Variants in TRAPPC12 observed in about 807,000 individuals in gnomAD.
TRAPPC12 encodes trafficking protein particle complex subunit 12.
TRAPPC12 carries 61 observed loss-of-function variants against 69.2 expected under a neutral mutation model. The ratio of observed to expected loss-of-function variants is 0.88; its 90% CI spans 0.72 to 1.09. The LOEUF is 1.09. Ranked by LOEUF, TRAPPC12 falls within the 50% of genes least tolerant of loss-of-function variation. The pLI, the probability that TRAPPC12 is intolerant of heterozygous loss-of-function variation, is 0.00. For missense variants in TRAPPC12, 1,101 were observed against 1,016.4 expected (o/e 1.08, Z -1.13); for synonymous variants, 469 against 438.9 (o/e 1.07, Z -0.86).
Position 3,388,213 on chromosome 2 carries a change from C to T in TRAPPC12, c.590C>T (p.Pro197Leu), listed in dbSNP as rs1167052543. 4.4e-6 allele frequency: 7 copies of T among 1,609,014 alleles called. No individual in the cohort carries two copies. Among genetic ancestry groups the T allele is most frequent in the Non-Finnish European group, 5.9e-6 (7 of 1,177,932 alleles). ...GASEASARTP[P>L]QVVQPSPSLS... Reference sequence around the variant, plus strand: ...AGCGAGGCCTCGGCCAGGACACCGCCCCAGGTCGTGCAGCCCAGCCCCAGC... The same window carrying T: ...AGCGAGGCCTCGGCCAGGACACCGCTCCAGGTCGTGCAGCCCAGCCCCAGC... The change falls in exon 2 of 12, where the codon CCC becomes CTC. Residue 197 changes from proline (P) to leucine (L), a missense_variant. Pro to Leu is a moderately conservative substitution (Grantham distance 98). Transcript: ENST00000324266.
chr2:3,383,695 G>A (rs185219197), intron 1 of TRAPPC12, among the ~76,000 whole-genome samples: 23 of 151,796 alleles, frequency 1.5e-4, no homozygotes, highest in South Asian at 4.2e-4. Flanking sequence ...GTGAGCCACC[G>A]CACCCGGCCT....
In TRAPPC12 at chr2:3,457,710, T is replaced by C; in HGVS notation, c.1603+17T>C. 6.2e-7 allele frequency: 1 copy of C among 1,608,124 alleles called. No homozygotes were observed. Among genetic ancestry groups the C allele is most frequent in the Non-Finnish European group, 8.5e-7 (1 of 1,179,882 alleles). On this transcript the variant is annotated intron_variant, in intron 7 of 11. Coordinates refer to ENST00000324266, the MANE Select transcript of TRAPPC12 (RefSeq NM_016030.6). ...GCAGACAAGGTGGGTCGGCCGGACT[T>C]TGCTGACTAGATGCTTCTCGGACAT...
chr2:3,404,298 A>G (rs1261177054), intron 3 of TRAPPC12, among the ~76,000 whole-genome samples: 1 of 152,106 alleles, frequency 6.6e-6, no homozygotes, highest in Non-Finnish European at 1.5e-5. Context: ...TCTACTTTCT[A>G]GTGTTCTATT....
intron 2 of TRAPPC12, among the ~76,000 whole-genome samples, chr2:3,389,362 G>A (rs1660689238): frequency 6.6e-6 from 1 of 152,262 alleles, no homozygotes; most frequent in Admixed American, 6.5e-5. Context: ...GGTTGTGCGA[G>A]CAACTGAGTG....
At chr2:3,416,474 AC>A (rs1204085596) in intron 3 of TRAPPC12, among the ~76,000 whole-genome samples, 1 of 144,866 alleles carries the variant, frequency 6.9e-6, no homozygotes, top group Non-Finnish European at 1.5e-5. Flanking sequence ...GCACACCCCT[AC>A]CCCTTCACTG....
intron 5 of TRAPPC12, among the ~76,000 whole-genome samples, chr2:3,427,680 C>T (rs1330366056): frequency 2.0e-5 from 3 of 152,138 alleles, no homozygotes; most frequent in African/African-American, 7.2e-5. Flanking sequence ...CTCTTGAGGC[C>T]AGAAGTTCGA....
chr2:3,401,854 C>G lies in TRAPPC12; in HGVS notation c.1125C>G (p.Asp375Glu), dbSNP rs373282152. ...AAAKRQVLNA[D>E]SVEQSFVGLK... ...CAAAGAGACAAGTCCTAAATGCCGA[C>G]TCAGTGGAACAATCTTTTGTTGGAT... Residue 375 changes from aspartate (D) to glutamate (E), a missense_variant, in exon 3 of 12, where the codon GAC becomes GAG. By Grantham distance (45) the Asp-to-Glu change is conservative (BLOSUM62 2). Coordinates refer to ENST00000324266, the MANE Select transcript of TRAPPC12 (RefSeq NM_016030.6). The G allele has an allele frequency of 5.0e-6, 8 of 1,599,234 alleles. No homozygotes were observed. Among genetic ancestry groups the G allele is most frequent in the Non-Finnish European group, 6.0e-6 (7 of 1,174,738 alleles).
rs925370135 is a variant in TRAPPC12 at position 3,459,255 on chromosome 2, T to C, written c.1604-1008T>C. Among the ~76,000 whole-genome samples, 6 of 152,312 alleles carry C rather than the reference T, an allele frequency of 3.9e-5. No homozygotes were observed. In the East Asian group the frequency reaches 9.6e-4, roughly 24 times the overall value. ...TGCCCAGGGTGGCATCTTGGCACTTTGCAGTTGGAAGTGTGGACTTTTCTT... is the reference window on the plus strand; with the variant it reads ...TGCCCAGGGTGGCATCTTGGCACTTCGCAGTTGGAAGTGTGGACTTTTCTT... On this transcript the variant is annotated intron_variant, in intron 7 of 11. Coordinates refer to ENST00000324266, the MANE Select transcript of TRAPPC12 (RefSeq NM_016030.6).
At position 3,421,952 on chromosome 2, in the gene TRAPPC12, C is replaced by A; in HGVS notation, c.1236C>A (p.Gly412=). The A allele has an allele frequency of 6.2e-7, 1 of 1,613,614 alleles. No individual in the cohort carries two copies. The highest frequency in any genetic ancestry group is 2.2e-5 in the East Asian group (1 of 44,870). ...RLLTAHGQGY[G]KSGLLTSHTT... The stretch of plus-strand genomic sequence containing the variant: ...TCACAGCCCACGGCCAGGGCTACGG[C>A]AAGAGCGGGCTGCTCACCAGCCACA... The change falls in exon 4 of 12, where the codon GGC becomes GGA. Residue 412 remains glycine (G), a synonymous_variant. Transcript: ENST00000324266.
intron 6 of TRAPPC12, 55 bp from the exon 7 acceptor site, chr2:3,457,566 C>T: frequency 1.4e-6 from 2 of 1,472,132 alleles, no homozygotes; most frequent in Non-Finnish European, 1.9e-6. Context: ...ATAACAAAGT[C>T]TTAGACAAAA....
At chr2:3,397,721 T>C (rs116098273) in intron 2 of TRAPPC12, among the ~76,000 whole-genome samples, 1,811 of 152,342 alleles carry the variant, frequency 0.012, 28 homozygotes, top group African/African-American at 0.042. Flanking sequence ...GTGGAACTTA[T>C]TATATAGAGA....
chr2:3,446,845 T>C (rs980362995), intron 6 of TRAPPC12, among the ~76,000 whole-genome samples: 2 of 152,240 alleles, frequency 1.3e-5, no homozygotes, highest in African/African-American at 4.8e-5. Flanking sequence ...TGGTAGACGA[T>C]GCTTGTTTCA....
chr2:3,479,166 CG>C (rs1263191798), intron 11 of TRAPPC12, 52 bp from the exon 12 acceptor site: 1 of 1,581,512 alleles, frequency 6.3e-7, no homozygotes, highest in Non-Finnish European at 8.6e-7. Flanking sequence ...CTGGAATGGG[CG>C]GGCGTCTGTC....
intron 1 of TRAPPC12, among the ~76,000 whole-genome samples, chr2:3,380,312 C>T (rs1660148971): frequency 1.3e-5 from 2 of 152,156 alleles, no homozygotes; most frequent in African/African-American, 4.8e-5. Flanking sequence ...ATGACCTGCC[C>T]TGCCAAACTC....
At chr2:3,400,927 C>T (rs757503410) in intron 2 of TRAPPC12, among the ~76,000 whole-genome samples, 2 of 152,250 alleles carry the variant, frequency 1.3e-5, no homozygotes, top group Non-Finnish European at 2.9e-5. Flanking sequence ...CCAGGCCACA[C>T]AAAAGCACCT....
intron 2 of TRAPPC12, among the ~76,000 whole-genome samples, chr2:3,395,820 C>G (rs546526982): frequency 3.9e-5 from 6 of 152,112 alleles, no homozygotes; most frequent in Admixed American, 3.3e-4. Flanking sequence ...ACCTCCACCT[C>G]CCAGGCTCAA....
chr2:3,458,074 C>T lies in TRAPPC12; in HGVS notation c.1603+381C>T, dbSNP rs538038490. 17 of 590,740 alleles carry T rather than the reference C, an allele frequency of 2.9e-5. No individual in the cohort carries two copies. The South Asian group carries it at 7.9e-4, about 27-fold the overall frequency. The allele number at this position is 590,740 out of a possible 1,614,324, so 36.6% of individuals were successfully genotyped here. The stretch of plus-strand genomic sequence containing the variant: ...TCTGCGTCGGGGACAGAGGCCTCTG[C>T]GTCGGGGACAGAGGCTCGGGAGGGT... On this transcript the variant is annotated intron_variant, in intron 7 of 11. Transcript: ENST00000324266.
At chr2:3,383,903 T>C (rs1660365956) in intron 1 of TRAPPC12, among the ~76,000 whole-genome samples, 1 of 85,240 alleles carries the variant, frequency 1.2e-5, no homozygotes, top group Non-Finnish European at 2.3e-5. Flanking sequence ...TTTTTTTTTT[T>C]TTTTTTTTTG....
intron 5 of TRAPPC12, among the ~76,000 whole-genome samples, chr2:3,424,909 G>A (rs1017675580): frequency 1.3e-5 from 2 of 152,248 alleles, no homozygotes; most frequent in African/African-American, 4.8e-5. Context: ...CACCTGCTCT[G>A]TCAGGGCAGC....
Sources: allele counts gnomAD v4.1 joint callset (sites outside exome capture counted in the v4.1 genomes callset), GRCh38; gene constraint gnomAD v4.1.1; transcripts MANE v1.5; gene names NCBI Gene and HGNC (gene_info 2026-07-23, HGNC 2026-07-21).